Variants in ATP13A4 observed in about 807,000 individuals in gnomAD.
ATP13A4 encodes probable cation-transporting ATPase 13A4.
ATP13A4 carries 114 observed loss-of-function variants against 142.5 expected under a neutral mutation model. That is an observed-to-expected ratio of 0.80 (90% CI 0.69 to 0.93). The LOEUF (loss-of-function observed/expected upper bound fraction) is 0.93, where lower values mean the gene tolerates loss of function less well. Ranked by LOEUF, ATP13A4 falls within the 40% of genes least tolerant of loss-of-function variation. The probability of loss-of-function intolerance (pLI) is 0.00; values close to 1 mark genes in which losing one functional copy is unlikely to be tolerated. For missense variants in ATP13A4, 1,392 were observed against 1,454.0 expected, an observed-to-expected ratio of 0.96 and a Z score of 0.69; for synonymous variants, 488 against 514.8, an observed-to-expected ratio of 0.95 and a Z score of 0.70.
intron 14 of ATP13A4, 78 bp from the exon 15 acceptor site, chr3:193,457,543 T>A: frequency 7.4e-7 from 1 of 1,351,446 alleles, no homozygotes; most frequent in Non-Finnish European, 1.1e-6. Context: ...AACCCTCCCC[T>A]TGAGAAGATC....
At chr3:193,451,469 C>T (rs1717272417) in intron 17 of ATP13A4, among the ~76,000 whole-genome samples, 1 of 152,192 alleles carries the variant, frequency 6.6e-6, no homozygotes, top group Admixed American at 6.5e-5. Flanking sequence ...CTCTCTTTGG[C>T]TGGTAAACAA....
intron 28 of ATP13A4, among the ~76,000 whole-genome samples, chr3:193,408,725 C>A (rs911146153): frequency 6.6e-6 from 1 of 152,192 alleles, no homozygotes; most frequent in African/African-American, 2.4e-5. Context: ...TGATGGGCAA[C>A]TTTGGCCTGA....
Position 193,401,000 on chromosome 3 carries a change from C to T in ATP13A4, c.*1652G>A, listed in dbSNP as rs1316693392. On this transcript the variant is annotated 3_prime_UTR_variant, in exon 30 of 30. Transcript: ENST00000342695. ...TTGAAACACTAAAATATCTTCACGC[C>T]CTATTTTAAAACCAGAAGTAACAGG... is the stretch of plus-strand genomic sequence containing the variant. Among the ~76,000 whole-genome samples, 1 of 152,114 alleles carries T rather than the reference C, an allele frequency of 6.6e-6. No individual in the cohort carries two copies. The highest frequency in any genetic ancestry group is 1.5e-5 in the Non-Finnish European group (1 of 68,036).
chr3:193,456,874 G>C, intron 16 of ATP13A4, 126 bp downstream of exon 16: 1 of 1,162,046 alleles, frequency 8.6e-7, no homozygotes, highest in East Asian at 2.6e-5. Context: ...ATTGAATTTG[G>C]AATGCCAGTG....
chr3:193,503,850 C>CACCCAGGA (rs1720697394), intron 2 of ATP13A4, among the ~76,000 whole-genome samples: 3 of 152,228 alleles, frequency 2.0e-5, no homozygotes, highest in Middle Eastern at 3.4e-3. Flanking sequence ...TGGGTGATCT[C>CACCCAGGA]TCCTCTAAAT....
chr3:193,559,011 G>T (rs1199664327), upstream of ATP13A4, among the ~76,000 whole-genome samples: 1 of 152,192 alleles, frequency 6.6e-6, no homozygotes, highest in Non-Finnish European at 1.5e-5. Flanking sequence ...TAGAATAGAT[G>T]TCCAATGGAA....
chr3:193,481,713 T>C (rs779672536), intron 8 of ATP13A4, among the ~76,000 whole-genome samples: 1 of 152,164 alleles, frequency 6.6e-6, no homozygotes, highest in Non-Finnish European at 1.5e-5. Context: ...GTAGACATCT[T>C]AGGAATACTC....
At chr3:193,464,758 T>C (rs539777395) in intron 12 of ATP13A4, among the ~76,000 whole-genome samples, 182 bp downstream of exon 12, 1 of 152,284 alleles carries the variant, frequency 6.6e-6, no homozygotes, top group South Asian at 2.1e-4. Context: ...ACTTCTCCTC[T>C]AAACCTTGGA....
At chr3:193,572,727 AC>A (rs1285840167) in intron 2 of ATP13A4, among the ~76,000 whole-genome samples, 1 of 152,082 alleles carries the variant, frequency 6.6e-6, no homozygotes, top group Admixed American at 6.5e-5. Context: ...GAAACTATGC[AC>A]CGCTGAGTGG....
At chr3:193,559,503 C>T (rs113088005), upstream of ATP13A4, among the ~76,000 whole-genome samples, 1 of 152,142 alleles carries the variant, frequency 6.6e-6, no homozygotes, top group African/African-American at 2.4e-5. Flanking sequence ...TCTGTGGTAG[C>T]AAGCAAAGAT....
At chr3:193,585,785 C>T (rs1724656179) in intron 1 of ATP13A4, among the ~76,000 whole-genome samples, 1 of 152,108 alleles carries the variant, frequency 6.6e-6, no homozygotes, top group Non-Finnish European at 1.5e-5. Flanking sequence ...GTGAAAAAGT[C>T]GCTATGAACA....
chr3:193,459,856 A>T (rs973549943), intron 13 of ATP13A4, among the ~76,000 whole-genome samples: 5 of 152,226 alleles, frequency 3.3e-5, no homozygotes, highest in African/African-American at 1.2e-4. Flanking sequence ...TCATCTAAAA[A>T]GCTATTAAAA....
intron 2 of ATP13A4, among the ~76,000 whole-genome samples, chr3:193,505,751 A>G (rs956822610): frequency 6.6e-6 from 1 of 152,178 alleles, no homozygotes; most frequent in Admixed American, 6.5e-5. Flanking sequence ...AAGGAAAAAA[A>G]GCAAAGAAAT....
At chr3:193,477,159 C>A (rs752385491) in intron 8 of ATP13A4, among the ~76,000 whole-genome samples, 1 of 151,948 alleles carries the variant, frequency 6.6e-6, no homozygotes, top group Non-Finnish European at 1.5e-5. Context: ...GTACTTGATT[C>A]TATTGAGGAA....
intron 2 of ATP13A4, among the ~76,000 whole-genome samples, chr3:193,575,368 T>C (rs7615623): frequency 0.43 from 65,466 of 151,948 alleles, 14,342 homozygotes; most frequent in Non-Finnish European, 0.44. Context: ...GAAAAGCCCA[T>C]TAGGAGTAGA....
intron 2 of ATP13A4, 133 bp from the exon 3 acceptor site, chr3:193,502,772 GTC>G: frequency 2.1e-6 from 2 of 956,408 alleles, no homozygotes; most frequent in East Asian, 2.6e-5. Flanking sequence ...AGAACGGTTT[GTC>G]TCTGAAAGAT....
intron 1 of ATP13A4, among the ~76,000 whole-genome samples, chr3:193,522,775 C>T (rs993543064): frequency 6.6e-6 from 1 of 152,172 alleles, no homozygotes; most frequent in African/African-American, 2.4e-5. Context: ...GGACTCCACC[C>T]AATAGCCAGA....
intron 26 of ATP13A4, among the ~76,000 whole-genome samples, chr3:193,413,681 C>A (rs1714896157): frequency 6.6e-6 from 1 of 152,146 alleles, no homozygotes; most frequent in Non-Finnish European, 1.5e-5. Flanking sequence ...ACCCTGATCT[C>A]CTGCAGTACC....
intron 14 of ATP13A4, among the ~76,000 whole-genome samples, chr3:193,457,857 G>A (rs1200380991): frequency 6.6e-6 from 1 of 152,212 alleles, no homozygotes; most frequent in Non-Finnish European, 1.5e-5. Flanking sequence ...CCTTGCATGT[G>A]TGTCTAATTT....
Sources: gnomAD v4.1 joint callset for allele counts (sites outside exome capture counted in the v4.1 genomes callset) on GRCh38, gnomAD v4.1.1 for gene constraint, MANE v1.5 for transcripts, NCBI Gene and HGNC (gene_info 2026-07-23, HGNC 2026-07-21) for gene names.